IGFL2: variants seen among roughly 807,000 people sequenced by gnomAD.
The protein encoded by IGFL2 is insulin growth factor-like family member 2.
In IGFL2, 7 loss-of-function variants were observed where a neutral mutation model predicts 13.9. The ratio of observed to expected loss-of-function variants is 0.51; its 90% CI spans 0.29 to 0.95. The LOEUF (loss-of-function observed/expected upper bound fraction) is 0.95, where lower values mean the gene tolerates loss of function less well. Ranked by LOEUF, IGFL2 falls within the 40% of genes least tolerant of loss-of-function variation. The pLI, the probability that IGFL2 is intolerant of heterozygous loss-of-function variation, is 0.08. For synonymous variants in IGFL2, 55 were observed against 55.8 expected, an observed-to-expected ratio of 0.99 and a Z score of 0.07; for missense variants, 138 against 147.8, an observed-to-expected ratio of 0.93 and a Z score of 0.34.
the IGFL2 span, among the ~76,000 whole-genome samples, chr19:46,177,868 C>G: frequency 1.3e-5 from 2 of 152,124 alleles, no homozygotes; most frequent in Non-Finnish European, 2.9e-5. Context: ...CAAGGTGACC[C>G]AAGAGAAATC....
At chr19:46,086,010 T>C in the IGFL2 span, among the ~76,000 whole-genome samples, 13 of 152,172 alleles carry the variant, frequency 8.5e-5, no homozygotes, top group African/African-American at 3.1e-4. Flanking sequence ...TTTTAAATTA[T>C]TTTTTCTTTG....
At chr19:46,192,239 T>A in the IGFL2 span, among the ~76,000 whole-genome samples, 2 of 152,206 alleles carry the variant, frequency 1.3e-5, no homozygotes, top group African/African-American at 4.8e-5. Flanking sequence ...GGGTGAGTTA[T>A]GAAGCCACTC....
chr19:46,104,676 G>A, the IGFL2 span, among the ~76,000 whole-genome samples: 1 of 152,204 alleles, frequency 6.6e-6, no homozygotes, highest in Non-Finnish European at 1.5e-5. Context: ...CCCTGAGCTT[G>A]ATGTGTAGGG....
the IGFL2 span, among the ~76,000 whole-genome samples, chr19:46,096,865 A>T: frequency 2.0e-5 from 3 of 152,220 alleles, no homozygotes; most frequent in Admixed American, 2.0e-4. Context: ...CCCATGGATG[A>T]AGCCAGCTTG....
chr19:46,195,818 G>C, the IGFL2 span: 1 of 152,156 alleles, frequency 6.6e-6, no homozygotes, highest in African/African-American at 2.4e-5. Flanking sequence ...CGCTGTCCTG[G>C]GCCCTTGCAC....
chr19:46,134,115 A>G, the IGFL2 span, among the ~76,000 whole-genome samples: 1 of 152,182 alleles, frequency 6.6e-6, no homozygotes, highest in Non-Finnish European at 1.5e-5. Flanking sequence ...TTCTTGAGGA[A>G]GAGACCACCT....
the IGFL2 span, among the ~76,000 whole-genome samples, chr19:46,178,555 T>C: frequency 6.6e-6 from 1 of 152,146 alleles, no homozygotes; most frequent in Admixed American, 6.5e-5. Context: ...TCTGACACCT[T>C]TTAGGTCTAA....
chr19:46,137,252 T>A, the IGFL2 span: 1 of 1,372,912 alleles, frequency 7.3e-7, no homozygotes, highest in South Asian at 1.2e-5. Context: ...ATTTGGATCT[T>A]TGCCATCCTT....
At chr19:46,214,980 T>C in the IGFL2 span, 1 of 151,904 alleles carries the variant, frequency 6.6e-6, no homozygotes, top group African/African-American at 2.4e-5. Context: ...CCCACACTTA[T>C]CCTGACTGTG....
chr19:46,107,690 C>T, the IGFL2 span, among the ~76,000 whole-genome samples: 11 of 152,244 alleles, frequency 7.2e-5, no homozygotes, highest in East Asian at 1.9e-4. Context: ...ACCTTGAAGG[C>T]GAGGTTAATT....
chr19:46,198,961 T>C, the IGFL2 span, among the ~76,000 whole-genome samples: 3 of 152,150 alleles, frequency 2.0e-5, no homozygotes, highest in African/African-American at 7.2e-5. Flanking sequence ...AGAGAGCCTT[T>C]GAGAGTGGGA....
intron 1 of IGFL2, chr19:46,159,292 A>G (rs1289234141): frequency 6.6e-6 from 1 of 152,200 alleles, no homozygotes; most frequent in Non-Finnish European, 1.5e-5. Flanking sequence ...TAGAATTAGA[A>G]GGTGTTTAGT....
the IGFL2 span, among the ~76,000 whole-genome samples, chr19:46,105,264 T>C: frequency 6.6e-6 from 1 of 152,210 alleles, no homozygotes; most frequent in African/African-American, 2.4e-5. Context: ...GTATAAATAT[T>C]GATGCGTAGT....
chr19:46,182,379 A>G, the IGFL2 span, among the ~76,000 whole-genome samples: 36 of 151,954 alleles, frequency 2.4e-4, no homozygotes, highest in Non-Finnish European at 7.4e-5. Context: ...AAAAAAAAAA[A>G]AAAAAAAAAA....
upstream of IGFL2, among the ~76,000 whole-genome samples, chr19:46,145,497 C>A (rs1462096552): frequency 2.0e-5 from 3 of 152,014 alleles, no homozygotes; most frequent in Admixed American, 1.3e-4. Context: ...TTAAAGCCCT[C>A]CTTCCAGTAA....
the IGFL2 span, among the ~76,000 whole-genome samples, chr19:46,135,271 G>T: frequency 2.0e-5 from 3 of 152,086 alleles, no homozygotes; most frequent in Admixed American, 1.3e-4. Context: ...TCCACTTCCT[G>T]CTCCAGGATC....
At position 46,149,034 on chromosome 19, in the gene IGFL2, C is replaced by T. The variant is rs372044256; in HGVS notation, c.19+737C>T. 23 of 1,604,946 alleles carry T rather than the reference C, an allele frequency of 1.4e-5. No individual in the cohort carries two copies. The African/African-American group carries it at 2.8e-4, about 20-fold the overall frequency. On this transcript the variant is annotated intron_variant, in intron 1 of 3. Coordinates refer to ENST00000377693, the MANE Select transcript of IGFL2 (RefSeq NM_001135113.2). ...GAGGACCGACTACCCCAGGAGTGTG[C>T]TGGGTAAGTAAGGGCAGCCCAGGCA...
At chr19:46,187,252 G>GGT in the IGFL2 span, among the ~76,000 whole-genome samples, 1 of 150,416 alleles carries the variant, frequency 6.6e-6, no homozygotes, top group African/African-American at 2.5e-5. Flanking sequence ...TTGTGCTGCT[G>GGT]GTGTGTGCTA....
chr19:46,103,094 G>A, the IGFL2 span, among the ~76,000 whole-genome samples: 1 of 152,116 alleles, frequency 6.6e-6, no homozygotes, highest in African/African-American at 2.4e-5. Context: ...GAAATGGGAG[G>A]ACCCAGGACA....
Sources: allele counts gnomAD v4.1 joint callset (sites outside exome capture counted in the v4.1 genomes callset), GRCh38; gene constraint gnomAD v4.1.1; transcripts MANE v1.5; gene names NCBI Gene and HGNC (gene_info 2026-07-23, HGNC 2026-07-21).